COL18A1: variants seen among roughly 807,000 people sequenced by gnomAD.
COL18A1 encodes the protein collagen alpha-1(XVIII) chain.
A neutral mutation model predicts 168.0 loss-of-function variants in COL18A1; 133 were observed. The ratio of observed to expected loss-of-function variants is 0.79; its 90% CI spans 0.69 to 0.91. The LOEUF (loss-of-function observed/expected upper bound fraction) is 0.91. Ranked by LOEUF, COL18A1 falls within the 40% of genes least tolerant of loss-of-function variation. The probability of loss-of-function intolerance (pLI) is 0.00; values close to 1 mark genes in which losing one functional copy is unlikely to be tolerated. For missense variants in COL18A1, 2,126 were observed against 1,925.4 expected (o/e 1.10, Z -1.95); for synonymous variants, 949 against 809.0 (o/e 1.17, Z -2.94).
In COL18A1 at chr21:45,507,312, C is replaced by T. The variant is rs1427810482; in HGVS notation, c.3217-249C>T. The T allele has an allele frequency of 8.6e-5, 49 of 572,274 alleles. 1 individual carries two copies. The highest frequency in any genetic ancestry group is 6.9e-4 in the African/African-American group (35 of 50,426). The allele number at this position is 572,274 out of a possible 1,614,324, so 35.4% of individuals were successfully genotyped here. ...GCCGGGTGCTGGGCAGGGAGGGCAC[C>T]CTCCTGTGGGCTGGCAGGGCCGGGT... On this transcript the variant is annotated intron_variant, in intron 37 of 41. Transcript: ENST00000651438.
rs2037449442 is a variant in COL18A1, at chr21:45,509,580, C to A, written c.3474C>A (p.Ser1158Arg). Residue 1158 changes from serine (S) to arginine (R), a missense_variant, in exon 39 of 42, where the codon AGC becomes AGA. Coordinates refer to ENST00000651438, the MANE Select transcript of COL18A1 (RefSeq NM_001379500.1). ...GACCCACAAGCCCACCCGCCCACAGCCACCGCGACTTCCAGCCGGTGGTGA... is the reference window on the plus strand; with the variant it reads ...GACCCACAAGCCCACCCGCCCACAGACACCGCGACTTCCAGCCGGTGGTGA... ...PARPTSPPAH[S>R]HRDFQPVLHL... is the part of the protein sequence containing the mutation. 1 of 1,523,462 alleles carries A rather than the reference C, an allele frequency of 6.6e-7. No individual in the cohort carries two copies. The highest frequency in any genetic ancestry group is 8.8e-7 in the Non-Finnish European group (1 of 1,135,336). The allele number at this position is 1,523,462 out of a possible 1,614,324, so 94.4% of individuals were successfully genotyped here. A position where few individuals can be genotyped will look rare whatever the true frequency, so the allele number is the denominator to read the frequency against.
At position 45,494,264 on chromosome 21, in the gene COL18A1, C is replaced by T. The variant is rs914769948; in HGVS notation, c.2353-281C>T. 3.7e-5 allele frequency: 19 copies of T among 517,456 alleles called. 1 individual carries two copies. The highest frequency in any genetic ancestry group is 2.2e-4 in the African/African-American group (11 of 49,806). 32.1% of individuals were successfully genotyped at this position (517,456 alleles called of 1,614,324 possible). A position where few individuals can be genotyped will look rare whatever the true frequency, so the allele number is the denominator to read the frequency against. ...CACATGCCCTCCACCCTCCACCCTC[C>T]ACCCCTGCTTCAGGGTCCCGGGGCA... On this transcript the variant is annotated intron_variant, in intron 26 of 41. Transcript: ENST00000651438.
intron 9 of COL18A1, among the ~76,000 whole-genome samples, chr21:45,479,323 CGTG>C (rs2035801329): frequency 6.6e-6 from 1 of 151,170 alleles, no homozygotes; most frequent in Admixed American, 6.6e-5. Flanking sequence ...TTACACCACA[CGTG>C]GATACACTTG....
intron 41 of COL18A1, 86 bp downstream of exon 41, chr21:45,511,312 G>A (rs924478800): frequency 3.9e-5 from 29 of 737,832 alleles, no homozygotes; most frequent in Admixed American, 1.4e-4. Flanking sequence ...GTTTCCCCCC[G>A]AGTTTTTGGA....
At chr21:45,494,937 T>TG (rs1278255223) in intron 28 of COL18A1, 22 bp downstream of exon 28, 15 of 1,603,700 alleles carry the variant, frequency 9.4e-6, no homozygotes, top group East Asian at 2.2e-5. Context: ...GGGTCTCCAG[T>TG]GGGGGCGGCA....
At position 45,486,843 on chromosome 21, in the gene COL18A1, T is replaced by C; in HGVS notation, c.1702-18T>C. ...GGGGCTGGGCTGGGTCCTGACACGC[T>C]CTCCTCACCCCACGCAGGGGAGCAA... On this transcript the variant is annotated intron_variant, in intron 15 of 41. Coordinates refer to ENST00000651438, the MANE Select transcript of COL18A1 (RefSeq NM_001379500.1). 2 of 1,526,262 alleles carry C rather than the reference T, an allele frequency of 1.3e-6. No individual in the cohort carries two copies. The highest frequency in any genetic ancestry group is 1.2e-5 in the South Asian group (1 of 82,744). 94.5% of individuals were successfully genotyped at this position (1,526,262 alleles called of 1,614,324 possible). A position where few individuals can be genotyped will look rare whatever the true frequency, so the allele number is the denominator to read the frequency against.
intron 2 of COL18A1, among the ~76,000 whole-genome samples, chr21:45,437,282 TCTCCTG>T (rs2034151493): frequency 9.3e-6 from 1 of 107,250 alleles, no homozygotes. Flanking sequence ...ACACAGGCAC[TCTCCTG>T]CACACACACA....
chr21:45,476,573 TATG>T, intron 6 of COL18A1, 93 bp downstream of exon 6: 1 of 1,463,352 alleles, frequency 6.8e-7, no homozygotes, highest in Non-Finnish European at 9.4e-7. Flanking sequence ...GTGTGTGATG[TATG>T]GTGTGTGTAG....
intron 2 of COL18A1, among the ~76,000 whole-genome samples, chr21:45,454,329 C>A (rs1489758161): frequency 6.6e-6 from 1 of 152,094 alleles, no homozygotes; most frequent in Non-Finnish European, 1.5e-5. Flanking sequence ...GGGGCTGTTT[C>A]GTCACAGCTG....
At chr21:45,470,112 G>A (rs2035357983) in intron 3 of COL18A1, among the ~76,000 whole-genome samples, 2 of 152,252 alleles carry the variant, frequency 1.3e-5, no homozygotes, top group South Asian at 2.1e-4. Context: ...TGCCCCGATG[G>A]TGCTAGGGAG....
intron 15 of COL18A1, 122 bp downstream of exon 15, chr21:45,482,943 C>A: frequency 7.1e-7 from 1 of 1,402,036 alleles, no homozygotes; most frequent in Non-Finnish European, 1.0e-6. Context: ...CTGGCCTTGA[C>A]CCCCACTCCT....
chr21:45,506,232 T>C (rs1407250625), intron 37 of COL18A1: 3 of 494,334 alleles, frequency 6.1e-6, no homozygotes, highest in African/African-American at 1.9e-5. Flanking sequence ...ACAGTGAACG[T>C]TTACAAAGAT....
At position 45,438,540 on chromosome 21, in the gene COL18A1, G is replaced by A. The variant is rs929775295; in HGVS notation, c.107-29702G>A. Among the ~76,000 whole-genome samples the A allele has an allele frequency of 4.6e-5, 7 of 152,270 alleles. 1 individual carries two copies. The highest frequency in any genetic ancestry group is 9.6e-5 in the African/African-American group (4 of 41,484). The stretch of plus-strand genomic sequence containing the variant: ...GGTTTACTTTTCCTGCCGGCTGCAC[G>A]GCCTGCCCTTCTCAGGGCTTTGGGC... On this transcript the variant is annotated intron_variant, in intron 2 of 41. Coordinates refer to ENST00000651438, the MANE Select transcript of COL18A1 (RefSeq NM_001379500.1).
intron 2 of COL18A1, among the ~76,000 whole-genome samples, chr21:45,406,484 G>A (rs2033114000): frequency 6.6e-6 from 1 of 152,246 alleles, no homozygotes; most frequent in Non-Finnish European, 1.5e-5. Context: ...ATAAGTAGAT[G>A]TATTGAAAAC....
At chr21:45,427,072 G>A (rs900887251) in intron 2 of COL18A1, among the ~76,000 whole-genome samples, 11 of 152,200 alleles carry the variant, frequency 7.2e-5, no homozygotes, top group Admixed American at 5.2e-4. Context: ...ATGTCTGTGC[G>A]TTTGCTTTCT....
intron 2 of COL18A1, among the ~76,000 whole-genome samples, chr21:45,409,158 C>T (rs951036205): frequency 1.3e-5 from 2 of 151,406 alleles, no homozygotes; most frequent in African/African-American, 4.9e-5. Flanking sequence ...CTGCCACCCT[C>T]CAGGCTGTCT....
intron 2 of COL18A1, among the ~76,000 whole-genome samples, chr21:45,462,344 G>A (rs1275609287): frequency 1.3e-5 from 2 of 152,128 alleles, no homozygotes; most frequent in Non-Finnish European, 2.9e-5. Context: ...TCTTCAGATA[G>A]TCTCTCTGCA....
chr21:45,483,062 G>C (rs1231930973), intron 15 of COL18A1, among the ~76,000 whole-genome samples: 1 of 152,270 alleles, frequency 6.6e-6, no homozygotes. Context: ...CCGAGCTCTG[G>C]TCTGCCGGTG....
At chr21:45,411,778 A>AGGGGGGGGG (rs1569273645) in intron 2 of COL18A1, among the ~76,000 whole-genome samples, 12 of 108,304 alleles carry the variant, frequency 1.1e-4, no homozygotes, top group Admixed American at 3.2e-4. Context: ...GGGGGGGGGC[A>AGGGGGGGGG]GGCTGTGGTC....
Sources: gnomAD v4.1 joint callset for allele counts (sites outside exome capture counted in the v4.1 genomes callset) on GRCh38, gnomAD v4.1.1 for gene constraint, MANE v1.5 for transcripts, NCBI Gene and HGNC (gene_info 2026-07-23, HGNC 2026-07-21) for gene names.